TANC1: variants seen among roughly 807,000 people sequenced by gnomAD.
The protein encoded by TANC1 is tetratricopeptide repeat, ankyrin repeat and coiled-coil containing 1.
A neutral mutation model predicts 149.7 loss-of-function variants in TANC1; 77 were observed. The observed-to-expected ratio is 0.51, with a 90% CI of 0.43 to 0.62. The LOEUF (loss-of-function observed/expected upper bound fraction) is 0.62, where lower values mean the gene tolerates loss of function less well. Ranked by LOEUF, TANC1 falls within the 20% of genes least tolerant of loss-of-function variation. The pLI is 0.00. For missense variants in TANC1, 1,985 were observed against 2,321.8 expected (o/e 0.85, Z 2.98); for synonymous variants, 854 against 925.0 (o/e 0.92, Z 1.39).
intron 1 of TANC1, among the ~76,000 whole-genome samples, chr2:158,988,112 C>T (rs2035214662): frequency 1.3e-5 from 2 of 151,838 alleles, no homozygotes; most frequent in South Asian, 4.2e-4. Context: ...CACCTGAGGT[C>T]AGGAGTTCAA....
At chr2:159,198,801 A>T (rs568773036) in intron 18 of TANC1, among the ~76,000 whole-genome samples, 174 bp from the exon 19 acceptor site, 23 of 152,272 alleles carry the variant, frequency 1.5e-4, no homozygotes, top group African/African-American at 5.3e-4. Flanking sequence ...TCTCCAACTG[A>T]AAGTGTGAAT....
At chr2:159,173,017 T>C (rs2055420837) in intron 11 of TANC1, among the ~76,000 whole-genome samples, 1 of 152,140 alleles carries the variant, frequency 6.6e-6, no homozygotes, top group South Asian at 2.1e-4. Context: ...GGATGATGAC[T>C]GCTCTTGGCG....
intron 4 of TANC1, among the ~76,000 whole-genome samples, chr2:159,112,607 C>T (rs1338216496): frequency 2.2e-5 from 3 of 135,250 alleles, no homozygotes; most frequent in Non-Finnish European, 3.1e-5. Context: ...CTTGCTTTGT[C>T]GCTCAGCTGG....
intron 2 of TANC1, among the ~76,000 whole-genome samples, chr2:159,025,666 G>GA (rs1193969935): frequency 6.6e-6 from 1 of 152,076 alleles, no homozygotes; most frequent in Non-Finnish European, 1.5e-5. Flanking sequence ...GTTTTTCAGG[G>GA]ATGTTGGATA....
At chr2:158,976,668 GTC>G (rs973890450) in intron 1 of TANC1, among the ~76,000 whole-genome samples, 1 of 152,118 alleles carries the variant, frequency 6.6e-6, no homozygotes, top group Non-Finnish European at 1.5e-5. Context: ...ATCACCTGAG[GTC>G]AGGAGTTTAA....
chr2:159,169,492 G>T, intron 9 of TANC1, 120 bp downstream of exon 9: 2 of 1,087,406 alleles, frequency 1.8e-6, no homozygotes, highest in Non-Finnish European at 2.7e-6. Flanking sequence ...AAGTGTGTTT[G>T]TGCTAAAAGC....
chr2:159,080,610 GA>G (rs1240068274), intron 3 of TANC1, among the ~76,000 whole-genome samples: 4 of 152,154 alleles, frequency 2.6e-5, no homozygotes, highest in Admixed American at 1.3e-4. Flanking sequence ...AATAAAGTTG[GA>G]AAAAGAATAG....
intron 16 of TANC1, among the ~76,000 whole-genome samples, chr2:159,193,476 C>T (rs1165566285): frequency 1.3e-5 from 2 of 152,088 alleles, no homozygotes; most frequent in Non-Finnish European, 2.9e-5. Flanking sequence ...TGAATATGTA[C>T]CCAGAAGTGG....
At chr2:159,165,779 AG>A (rs1184717119) in intron 8 of TANC1, among the ~76,000 whole-genome samples, 1 of 152,216 alleles carries the variant, frequency 6.6e-6, no homozygotes, top group Non-Finnish European at 1.5e-5. Flanking sequence ...TTGGTGGGAA[AG>A]GTGTTTTGGC....
At chr2:159,169,152 C>T in intron 8 of TANC1, 98 bp from the exon 9 acceptor site, 1 of 893,446 alleles carries the variant, frequency 1.1e-6, no homozygotes, top group Non-Finnish European at 1.7e-6. Flanking sequence ...TTGTTGAAAG[C>T]CTGAACTGAA....
intron 11 of TANC1, among the ~76,000 whole-genome samples, chr2:159,174,710 AT>A (rs1184180503): frequency 6.6e-6 from 1 of 152,232 alleles, no homozygotes; most frequent in Non-Finnish European, 1.5e-5. Flanking sequence ...AAATAAAAAA[AT>A]AACTTGTGCT....
chr2:159,037,797 C>T (rs187011142), intron 2 of TANC1, among the ~76,000 whole-genome samples: 4 of 152,314 alleles, frequency 2.6e-5, no homozygotes, highest in African/African-American at 9.6e-5. Flanking sequence ...ATGATTCCTC[C>T]AGCTTTGTTC....
At position 159,054,613 on chromosome 2, in the gene TANC1, G is replaced by T. The variant is rs1300059101; in HGVS notation, c.-15-11283G>T. Among the ~76,000 whole-genome samples, 3 of 152,282 alleles carry T rather than the reference G, an allele frequency of 2.0e-5. No homozygotes were observed. In the South Asian group the frequency reaches 6.2e-4, roughly 32 times the overall value. On this transcript the variant is annotated intron_variant, in intron 2 of 26. Transcript: ENST00000263635. The stretch of plus-strand genomic sequence containing the variant: ...GCCTTTCACAGGCATCTTTGAGGCT[G>T]TCTGACCCTTCACTTTGAGGCCAGA...
rs573687785 is a variant in TANC1, at chr2:159,225,698, T to C, written c.3822T>C (p.Ala1274=). The stretch of plus-strand genomic sequence containing the variant: ...GTGTTTGTTTTGCAGGAAATGCTGC[T>C]TGGGCGATGGCCACTTCCAAACCTG... ...LRKGAKLGNA[A]WAMATSKPDI... is the part of the protein sequence containing the mutation. Residue 1274 remains alanine (A), a synonymous_variant, in exon 24 of 27, where the codon GCT becomes GCC. Coordinates refer to ENST00000263635, the MANE Select transcript of TANC1 (RefSeq NM_033394.3). The C allele has an allele frequency of 8.7e-6, 14 of 1,613,956 alleles. No homozygotes were observed. Among genetic ancestry groups the C allele is most frequent in the African/African-American group, 5.3e-5 (4 of 74,940 alleles).
intron 7 of TANC1, among the ~76,000 whole-genome samples, chr2:159,151,315 G>A (rs929306997): frequency 1.3e-5 from 2 of 152,238 alleles, no homozygotes; most frequent in African/African-American, 4.8e-5. Context: ...TGTTTCTGCA[G>A]CTGGGCTCCA....
rs10199927 is a variant in TANC1 at position 159,136,045 on chromosome 2, T to C, written c.260-149T>C. On this transcript the variant is annotated intron_variant, in intron 4 of 26. Transcript: ENST00000263635. ...GTGTGTGTGTGTGTGTGTGTGTGTG[T>C]GTGTGCGCGCGCGCGCGTTTAAGGG... 479 of 107,808 alleles carry C rather than the reference T, an allele frequency of 4.4e-3. 32 individuals carry two copies. Among genetic ancestry groups the C allele is most frequent in the African/African-American group, 0.017 (273 of 15,852 alleles). 6.7% of individuals were successfully genotyped at this position (107,808 alleles called of 1,614,324 possible).
At position 159,224,241 on chromosome 2, in the gene TANC1, C is replaced by T. The variant is rs976734322; in HGVS notation, c.3688C>T (p.Leu1230=). 1.9e-6 allele frequency: 3 copies of T among 1,614,012 alleles called. No homozygotes were observed. The highest frequency in any genetic ancestry group is 2.5e-6 in the Non-Finnish European group (3 of 1,180,042). The change falls in exon 23 of 27, where the codon CTG becomes TTG. Residue 1230 remains leucine, a synonymous_variant. Transcript: ENST00000263635. ...FYGDAETVLY[L]VEKGAVIEHV... ...TCTGCTGTCTCTGCAGGTGCTGTAC[C>T]TGGTGGAGAAGGGAGCCGTGATCGA... is the stretch of plus-strand genomic sequence containing the variant.
intron 4 of TANC1, among the ~76,000 whole-genome samples, chr2:159,116,304 G>A (rs1011029865): frequency 6.6e-6 from 1 of 152,118 alleles, no homozygotes; most frequent in African/African-American, 2.4e-5. Context: ...GCAGATGCCT[G>A]TAATCCCAGC....
At chr2:159,182,012 C>A (rs2056537454) in intron 14 of TANC1, among the ~76,000 whole-genome samples, 1 of 151,788 alleles carries the variant, frequency 6.6e-6, no homozygotes, top group African/African-American at 2.4e-5. Flanking sequence ...ACCAGCCTGG[C>A]CAACATGGTG....
Sources: allele counts gnomAD v4.1 joint callset (sites outside exome capture counted in the v4.1 genomes callset), GRCh38; gene constraint gnomAD v4.1.1; transcripts MANE v1.5; gene names NCBI Gene and HGNC (gene_info 2026-07-23, HGNC 2026-07-21).